VWA1: variants seen among roughly 807,000 people sequenced by gnomAD.
VWA1 encodes the protein von Willebrand factor A domain containing 1.
A neutral mutation model predicts 14.9 loss-of-function variants in VWA1; 12 were observed. That is an observed-to-expected ratio of 0.80 (90% CI 0.52 to 1.30). The LOEUF (loss-of-function observed/expected upper bound fraction) is 1.30, where lower values mean the gene tolerates loss of function less well. Ranked by LOEUF, VWA1 falls within the 50% of genes most tolerant of loss-of-function variation. The pLI, the probability that VWA1 is intolerant of heterozygous loss-of-function variation, is 0.00. For missense variants in VWA1, 800 were observed against 649.1 expected, an observed-to-expected ratio of 1.23 and a Z score of -2.53; for synonymous variants, 368 against 310.7, an observed-to-expected ratio of 1.18 and a Z score of -1.94.
At chr1:1,435,911 CCGGACGGG>C in intron 1 of VWA1, 90 bp downstream of exon 1, 1 of 754,072 alleles carries the variant, frequency 1.3e-6, no homozygotes, top group Non-Finnish European at 1.6e-6. Flanking sequence ...GTCCCCTGCT[CCGGACGGG>C]CGGGCGGGCT....
Position 1,439,670 on chromosome 1 carries a change from C to A in VWA1, c.1221C>A (p.Phe407Leu). 13 of 1,308,202 alleles carry A rather than the reference C, an allele frequency of 9.9e-6. No homozygotes were observed. Among genetic ancestry groups the A allele is most frequent in the Non-Finnish European group, 1.3e-5 (13 of 1,019,892 alleles). 81.0% of individuals were successfully genotyped at this position (1,308,202 alleles called of 1,614,324 possible). Residue 407 changes from phenylalanine (F) to leucine (L), a missense_variant, in exon 3 of 3, where the codon TTC becomes TTA. Coordinates refer to ENST00000476993, the MANE Select transcript of VWA1 (RefSeq NM_022834.5). ...ACCTGGTGACCGTGACCGCCGCCTT[C>A]CGCTCGGGCCGCGAGAGCGCGCTGT... ...TAYLVTVTAA[F>L]RSGRESALSA...
At chr1:1,437,872 C>T (rs911240437) in intron 2 of VWA1, among the ~76,000 whole-genome samples, 1 of 152,154 alleles carries the variant, frequency 6.6e-6, no homozygotes, top group African/African-American at 2.4e-5. Context: ...AGGGGTGAGC[C>T]AGAAAGGTCA....
rs763664657 is a variant in VWA1 at position 1,439,128 on chromosome 1, G to A, written c.679G>A (p.Gly227Ser). 5.0e-6 allele frequency: 8 copies of A among 1,600,872 alleles called. No individual in the cohort carries two copies. The highest frequency in any genetic ancestry group is 1.7e-5 in the Admixed American group (1 of 59,900). The change falls in exon 3 of 3, where the codon GGC becomes AGC. Residue 227 changes from glycine (G) to serine (S), a missense_variant. Physicochemically the swap from Gly to Ser is moderately conservative, Grantham distance 56. Coordinates refer to ENST00000476993, the MANE Select transcript of VWA1 (RefSeq NM_022834.5). ...QLHATEITSS[G>S]FRLAWPPLLT... is the part of the protein sequence containing the mutation. ...CCATGCCACGGAGATCACGTCCAGC[G>A]GCTTCCGCCTGGCCTGGCCACCCCT...
rs1056038920 is a variant in VWA1 at position 1,440,000 on chromosome 1, G to T, written c.*213G>T. The T allele has an allele frequency of 2.3e-6, 1 of 428,064 alleles. No homozygotes were observed. The highest frequency in any genetic ancestry group is 3.3e-6 in the Non-Finnish European group (1 of 304,144). 26.5% of individuals were successfully genotyped at this position (428,064 alleles called of 1,614,324 possible). A position where few individuals can be genotyped will look rare whatever the true frequency, so the allele number is the denominator to read the frequency against. ...CTGGGGCCTCGCCTGGCGGGACCCC[G>T]CAGCAGCCCCGGCCCCATCCCCGCC... On this transcript the variant is annotated 3_prime_UTR_variant, in exon 3 of 3. Transcript: ENST00000476993.
Position 1,441,023 on chromosome 1 carries a change from C to T in VWA1, c.*1236C>T, listed in dbSNP as rs978058818. The T allele has an allele frequency of 5.9e-5, 9 of 152,032 alleles. No individual in the cohort carries two copies. The highest frequency in any genetic ancestry group is 2.2e-4 in the African/African-American group (9 of 41,380). The allele number at this position is 152,032 out of a possible 1,614,324, so 9.4% of individuals were successfully genotyped here. ...GGGGCCTCTGCAGGGCCATTCCCAC[C>T]GCAGTCTCTGCCACGGCCCGGAGCC... On this transcript the variant is annotated 3_prime_UTR_variant, in exon 3 of 3. Transcript: ENST00000476993.
At position 1,439,711 on chromosome 1, in the gene VWA1, C is replaced by G; in HGVS notation, c.1262C>G (p.Thr421Arg). The G allele has an allele frequency of 8.5e-7, 1 of 1,177,054 alleles. No homozygotes were observed. The highest frequency in any genetic ancestry group is 1.1e-6 in the Non-Finnish European group (1 of 948,798). 72.9% of individuals were successfully genotyped at this position (1,177,054 alleles called of 1,614,324 possible). The change falls in exon 3 of 3, where the codon ACG (threonine) becomes AGG (arginine). Residue 421 changes from threonine to arginine, a missense_variant. Thr to Arg is a moderately conservative substitution (Grantham distance 71). Transcript: ENST00000476993. ...RESALSAKAC[T>R]PDGPRPRPRP... ...AGCGCGCTGTCCGCCAAGGCCTGCA[C>G]GCCCGACGGCCCGCGCCCGCGCCCA...
In VWA1 at chr1:1,439,433, C is replaced by G. The variant is rs758109057; in HGVS notation, c.984C>G (p.Pro328=). 1 of 1,407,968 alleles carries G rather than the reference C, an allele frequency of 7.1e-7. No individual in the cohort carries two copies. The highest frequency in any genetic ancestry group is 1.5e-5 in the African/African-American group (1 of 65,014). The allele number at this position is 1,407,968 out of a possible 1,614,324, so 87.2% of individuals were successfully genotyped here. The part of the protein sequence containing the change: ...GPAPTQLAAL[P]APEEAGPERI... ...CCCCCACGCAGCTCGCCGCCCTCCCCGCCCCAGAGGAGGCCGGGCCAGAGC... is the reference window on the plus strand; with the variant it reads ...CCCCCACGCAGCTCGCCGCCCTCCCGGCCCCAGAGGAGGCCGGGCCAGAGC... Residue 328 remains proline, a synonymous_variant, in exon 3 of 3, where the codon CCC becomes CCG. Transcript: ENST00000476993.
intron 1 of VWA1, among the ~76,000 whole-genome samples, chr1:1,436,452 T>C (rs1416138947): frequency 1.3e-5 from 2 of 152,220 alleles, no homozygotes; most frequent in Non-Finnish European, 2.9e-5. Context: ...GGCGTGGTCA[T>C]TGCTGTGCCT....
At chr1:1,437,547 T>C in intron 2 of VWA1, 63 bp downstream of exon 2, 1 of 1,537,596 alleles carries the variant, frequency 6.5e-7, no homozygotes, top group South Asian at 1.2e-5. Context: ...AGAGGCTGGG[T>C]TGAGACTTTG....
rs578075998 is a variant in VWA1, at chr1:1,435,694, C to CCGAGCGAGCGAGCGAG, written c.-46_-31dup. On this transcript the variant is annotated 5_prime_UTR_variant, in exon 1 of 3. Transcript: ENST00000476993. ...CCGCGCGGTGACGCGCCCTGCAGCC[C>CCGAGCGAGCGAGCGAG]CGAGCGAGCGAGCGAGCGAGCGAGT... The CCGAGCGAGCGAGCGAG allele has an allele frequency of 2.6e-6, 3 of 1,157,378 alleles. No individual in the cohort carries two copies. The highest frequency in any genetic ancestry group is 3.2e-6 in the Non-Finnish European group (3 of 935,590). The allele number at this position is 1,157,378 out of a possible 1,614,324, so 71.7% of individuals were successfully genotyped here.
rs1457190789 is a variant in VWA1, at chr1:1,439,799, C to A, written c.*12C>A. On this transcript the variant is annotated 3_prime_UTR_variant, in exon 3 of 3. Transcript: ENST00000476993. ...GCCGTGAGCCGTAAGCCGGCGTCCC[C>A]GCCCAGCCGAGAGGGCCGGCGCCTA... 9.3e-7 allele frequency: 1 copy of A among 1,071,208 alleles called. No individual in the cohort carries two copies. Among genetic ancestry groups the A allele is most frequent in the African/African-American group, 1.7e-5 (1 of 58,412 alleles). The allele number at this position is 1,071,208 out of a possible 1,614,324, so 66.4% of individuals were successfully genotyped here. A position where few individuals can be genotyped will look rare whatever the true frequency, so the allele number is the denominator to read the frequency against.
In VWA1 at chr1:1,439,447, C is replaced by A. The variant is rs777242350; in HGVS notation, c.998C>A (p.Ala333Asp). 1 of 1,414,398 alleles carries A rather than the reference C, an allele frequency of 7.1e-7. No homozygotes were observed. 87.6% of individuals were successfully genotyped at this position (1,414,398 alleles called of 1,614,324 possible). Reference protein sequence around the residue: ...QLAALPAPEEAGPERIVISHA... With the variant: ...QLAALPAPEEDGPERIVISHA... ...GCCGCCCTCCCCGCCCCAGAGGAGG[C>A]CGGGCCAGAGCGCATCGTCATCTCC... The change falls in exon 3 of 3, where the codon GCC becomes GAC. Residue 333 changes from alanine to aspartate, a missense_variant. Ala to Asp is a moderately radical substitution (Grantham distance 126). Coordinates refer to ENST00000476993, the MANE Select transcript of VWA1 (RefSeq NM_022834.5).
chr1:1,438,592 C>G (rs1638593033), intron 2 of VWA1, among the ~76,000 whole-genome samples: 3 of 152,154 alleles, frequency 2.0e-5, no homozygotes, highest in Admixed American at 2.0e-4. Context: ...CCACCCCACA[C>G]TCTCCTGGGG....
chr1:1,436,880 G>A, intron 1 of VWA1, 47 bp from the exon 2 acceptor site: 1 of 1,524,400 alleles, frequency 6.6e-7, no homozygotes, highest in Non-Finnish European at 8.8e-7. Flanking sequence ...CTGTGGGGCT[G>A]TCTGGGGGGC....
intron 1 of VWA1, 129 bp from the exon 2 acceptor site, chr1:1,436,798 C>T: frequency 1.0e-6 from 1 of 972,106 alleles, no homozygotes; most frequent in Non-Finnish European, 1.5e-6. Context: ...CCTCTTTCCC[C>T]CAACCTAGGA....
rs746438109 is a variant in VWA1 at position 1,439,529 on chromosome 1, G to C, written c.1080G>C (p.Ala360=). The change falls in exon 3 of 3, where the codon GCG becomes GCC. Residue 360 remains alanine (A), a synonymous_variant. Coordinates refer to ENST00000476993, the MANE Select transcript of VWA1 (RefSeq NM_022834.5). The stretch of plus-strand genomic sequence containing the variant: ...GGGCCCCAGCGCTGGGCTCAGCCGC[G>C]GCGCTCGGCTACCACGTGCAGTTCG... ...VSWAPALGSA[A]ALGYHVQFGP... 7.3e-6 allele frequency: 10 copies of C among 1,363,556 alleles called. No homozygotes were observed. Among genetic ancestry groups the C allele is most frequent in the African/African-American group, 1.6e-5 (1 of 63,554 alleles). The allele number at this position is 1,363,556 out of a possible 1,614,324, so 84.5% of individuals were successfully genotyped here.
At chr1:1,437,896 C>G (rs905995137) in intron 2 of VWA1, among the ~76,000 whole-genome samples, 1 of 152,228 alleles carries the variant, frequency 6.6e-6, no homozygotes, top group Non-Finnish European at 1.5e-5. Context: ...ACTGCCCCCC[C>G]AGAGAGCACA....
chr1:1,439,454 A>G lies in VWA1; in HGVS notation c.1005A>G (p.Pro335=), dbSNP rs1892289. The change falls in exon 3 of 3, where the codon CCA becomes CCG. Residue 335 remains proline (P), a synonymous_variant. Transcript: ENST00000476993. ...AALPAPEEAG[P]ERIVISHARP... ...TCCCCGCCCCAGAGGAGGCCGGGCC[A>G]GAGCGCATCGTCATCTCCCACGCCC... 400,010 of 1,417,934 alleles carry G rather than the reference A, an allele frequency of 0.28. 81,261 individuals are homozygous for G. Among genetic ancestry groups the G allele is most frequent in the East Asian group, 1 (29,857 of 29,952 alleles). 87.8% of individuals were successfully genotyped at this position (1,417,934 alleles called of 1,614,324 possible).
rs1322546517 is a variant in VWA1, at chr1:1,439,593, C to T, written c.1144C>T (p.Pro382Ser). ...RGGEAQRVEVPAGRNCTTLQG... is the reference protein window; with the variant it reads ...RGGEAQRVEVSAGRNCTTLQG... The stretch of plus-strand genomic sequence containing the variant: ...CGGGGAGGCGCAGCGGGTGGAGGTG[C>T]CCGCGGGCCGCAACTGCACCACGCT... Residue 382 changes from proline to serine, a missense_variant, in exon 3 of 3, where the codon CCC (proline) becomes TCC (serine). By Grantham distance (74) the Pro-to-Ser change is moderately conservative. Coordinates refer to ENST00000476993, the MANE Select transcript of VWA1 (RefSeq NM_022834.5). 2.3e-6 allele frequency: 3 copies of T among 1,301,944 alleles called. No homozygotes were observed. The highest frequency in any genetic ancestry group is 2.9e-6 in the Non-Finnish European group (3 of 1,025,890). The allele number at this position is 1,301,944 out of a possible 1,614,324, so 80.6% of individuals were successfully genotyped here.
Sources: allele counts gnomAD v4.1 joint callset (sites outside exome capture counted in the v4.1 genomes callset), GRCh38; gene constraint gnomAD v4.1.1; transcripts MANE v1.5; gene names NCBI Gene and HGNC (gene_info 2026-07-23, HGNC 2026-07-21).